PLPPR1: variants seen among roughly 807,000 people sequenced by gnomAD.
The protein encoded by PLPPR1 is phospholipid phosphatase related 1, also known as phospholipid phosphatase-related protein type 1.
A neutral mutation model predicts 33.1 loss-of-function variants in PLPPR1; 10 were observed. That is an observed-to-expected ratio of 0.30 (90% confidence interval 0.19 to 0.51). PLPPR1 has a LOEUF of 0.51. PLPPR1 is among the 20% of genes least tolerant of loss of function. The pLI is 0.97. For synonymous variants in PLPPR1, 151 were observed against 151.0 expected (o/e 1.00, Z 0.00); for missense variants, 304 against 408.1 (o/e 0.74, Z 2.20).
intron 1 of PLPPR1, among the ~76,000 whole-genome samples, chr9:101,146,476 A>C (rs1564157769): frequency 1.3e-5 from 2 of 152,210 alleles, no homozygotes; most frequent in Non-Finnish European, 2.9e-5. Context: ...CTTTCTGTTA[A>C]CTATGCAGAA....
intron 3 of PLPPR1, among the ~76,000 whole-genome samples, chr9:101,277,148 C>T (rs1237565199): frequency 1.3e-5 from 2 of 152,202 alleles, no homozygotes; most frequent in African/African-American, 4.8e-5. Context: ...ACCATTTCTG[C>T]CTTCTTGGAG....
intron 1 of PLPPR1, among the ~76,000 whole-genome samples, chr9:101,101,081 ATT>A (rs1830892465): frequency 6.6e-6 from 1 of 152,162 alleles, no homozygotes; most frequent in Non-Finnish European, 1.5e-5. Context: ...AACTTTGTGC[ATT>A]CTTTTATTAT....
intron 1 of PLPPR1, among the ~76,000 whole-genome samples, chr9:101,110,491 G>C (rs12342457): frequency 0.023 from 3,562 of 152,152 alleles, 75 homozygotes; most frequent in African/African-American, 0.064. Flanking sequence ...AATACACGTA[G>C]AAGAATGTTA....
At chr9:101,277,780 G>A (rs1051723969) in intron 3 of PLPPR1, among the ~76,000 whole-genome samples, 21 of 152,160 alleles carry the variant, frequency 1.4e-4, no homozygotes, top group African/African-American at 5.1e-4. Flanking sequence ...TGGGCACAAT[G>A]ATTTCTTTCT....
chr9:101,252,273 A>C (rs1429973647), intron 2 of PLPPR1, among the ~76,000 whole-genome samples: 2 of 152,130 alleles, frequency 1.3e-5, no homozygotes, highest in Non-Finnish European at 2.9e-5. Context: ...ATTTCCATAA[A>C]TGCACAGTGT....
intron 1 of PLPPR1, among the ~76,000 whole-genome samples, chr9:101,046,760 C>T (rs74631873): frequency 6.6e-6 from 1 of 152,092 alleles, no homozygotes; most frequent in Admixed American, 6.5e-5. Context: ...TTTAGTGTTA[C>T]AAAACCCAGT....
intron 1 of PLPPR1, among the ~76,000 whole-genome samples, chr9:101,044,818 A>G (rs1830125498): frequency 6.6e-6 from 1 of 152,200 alleles, no homozygotes; most frequent in Admixed American, 6.5e-5. Context: ...GTTTTATGGT[A>G]AACTTGAGTA....
At chr9:101,092,257 T>C (rs1233928873) in intron 1 of PLPPR1, among the ~76,000 whole-genome samples, 5 of 152,208 alleles carry the variant, frequency 3.3e-5, no homozygotes, top group Non-Finnish European at 7.3e-5. Context: ...CTCCAAATTG[T>C]TATATGTCCC....
intron 4 of PLPPR1, among the ~76,000 whole-genome samples, chr9:101,301,449 G>A (rs982102813): frequency 2.0e-5 from 3 of 152,188 alleles, no homozygotes; most frequent in Middle Eastern, 3.2e-3. Context: ...TAATCACCCT[G>A]TGATACAAGG....
intron 1 of PLPPR1, chr9:101,126,029 T>C (rs997257744): frequency 1.4e-5 from 3 of 207,932 alleles, no homozygotes; most frequent in African/African-American, 6.9e-5. Context: ...TGATTTATTT[T>C]TTCTGGGGAC....
At chr9:101,313,485 G>A (rs1828998883) in intron 6 of PLPPR1, among the ~76,000 whole-genome samples, 2 of 152,066 alleles carry the variant, frequency 1.3e-5, no homozygotes, top group Non-Finnish European at 2.9e-5. Flanking sequence ...GATCACACCC[G>A]CCCTTTTTAG....
At position 101,249,068 on chromosome 9, in the gene PLPPR1, C is replaced by T. The variant is rs535087533; in HGVS notation, c.64-20812C>T. ...ACCACCATGATTATACCAAATTCCA[C>T]GCCAAACTTCATGATATGCCAACAC... On this transcript the variant is annotated intron_variant, in intron 2 of 7. Transcript: ENST00000374874. Among the ~76,000 whole-genome samples the T allele has an allele frequency of 3.9e-5, 6 of 152,190 alleles. No homozygotes were observed. The South Asian group carries it at 8.3e-4, about 21-fold the overall frequency.
chr9:101,127,271 A>G (rs529590800), intron 1 of PLPPR1, among the ~76,000 whole-genome samples: 3 of 152,334 alleles, frequency 2.0e-5, no homozygotes, highest in Admixed American at 1.3e-4. Flanking sequence ...GTTGGGTGCC[A>G]GGAATGTTTG....
chr9:101,163,220 C>T (rs1348660945), intron 1 of PLPPR1, among the ~76,000 whole-genome samples: 3 of 152,088 alleles, frequency 2.0e-5, no homozygotes, highest in Non-Finnish European at 4.4e-5. Flanking sequence ...TAGTTTGTTC[C>T]TATTTGGTGT....
intron 7 of PLPPR1, among the ~76,000 whole-genome samples, chr9:101,318,941 G>A (rs1294964936): frequency 1.3e-5 from 2 of 151,992 alleles, no homozygotes; most frequent in South Asian, 2.1e-4. Flanking sequence ...CATCTTTTTC[G>A]GGTAGCTGAG....
At chr9:101,115,786 C>T (rs1474132211) in intron 1 of PLPPR1, among the ~76,000 whole-genome samples, 1 of 152,152 alleles carries the variant, frequency 6.6e-6, no homozygotes. Context: ...TTCAACTACA[C>T]TTAGCTGCAT....
Position 101,294,789 on chromosome 9 carries a change from A to C in PLPPR1, c.385+8553A>C, listed in dbSNP as rs1020982885. On this transcript the variant is annotated intron_variant, in intron 4 of 7. Coordinates refer to ENST00000374874, the MANE Select transcript of PLPPR1 (RefSeq NM_207299.2). Reference sequence around the variant, plus strand: ...AAAACTCTCAATAAATTAGGTATTGATGGGACGTATCTCAAAATAATAAGA... The same window carrying C: ...AAAACTCTCAATAAATTAGGTATTGCTGGGACGTATCTCAAAATAATAAGA... Among the ~76,000 whole-genome samples the C allele has an allele frequency of 6.5e-3, 985 of 152,202 alleles. 9 individuals are homozygous for C. Among genetic ancestry groups the C allele is most frequent in the African/African-American group, 0.023 (955 of 41,506 alleles).
chr9:101,239,257 A>G (rs1208486550), intron 2 of PLPPR1, among the ~76,000 whole-genome samples: 1 of 151,772 alleles, frequency 6.6e-6, no homozygotes, highest in African/African-American at 2.4e-5. Context: ...GCTGGATTGC[A>G]TGGTAGTTTT....
At chr9:101,089,029 C>T (rs1389152992) in intron 1 of PLPPR1, among the ~76,000 whole-genome samples, 1 of 152,140 alleles carries the variant, frequency 6.6e-6, no homozygotes, top group Non-Finnish European at 1.5e-5. Context: ...ACAGGGATTA[C>T]CTTTCCTGGT....
Sources: gnomAD v4.1 joint callset for allele counts (sites outside exome capture counted in the v4.1 genomes callset) on GRCh38, gnomAD v4.1.1 for gene constraint, MANE v1.5 for transcripts, NCBI Gene and HGNC (gene_info 2026-07-23, HGNC 2026-07-21) for gene names.